Variants in WWC1 observed in about 807,000 individuals in gnomAD.
The protein encoded by WWC1 is WW and C2 domain containing 1.
WWC1 carries 55 observed loss-of-function variants against 138.4 expected under a neutral mutation model. The observed-to-expected ratio is 0.40, with a 90% CI of 0.32 to 0.50. WWC1 has a LOEUF of 0.50. WWC1 is among the 20% of genes least tolerant of loss of function. The pLI, the probability that WWC1 is intolerant of heterozygous loss-of-function variation, is 0.72. For synonymous variants in WWC1, 524 were observed against 564.9 expected (o/e 0.93, Z 1.03); for missense variants, 1,226 against 1,420.4 (o/e 0.86, Z 2.20).
At chr5:168,426,493 A>G (rs896852844) in intron 11 of WWC1, among the ~76,000 whole-genome samples, 8 of 152,190 alleles carry the variant, frequency 5.3e-5, no homozygotes, top group Admixed American at 3.9e-4. Context: ...CCTTCATGCC[A>G]TCTCCAGAAG....
At chr5:168,419,351 CTG>C (rs1259236086) in intron 9 of WWC1, among the ~76,000 whole-genome samples, 10 of 98,602 alleles carry the variant, frequency 1.0e-4, no homozygotes, top group African/African-American at 2.1e-4. Context: ...AGCTCATAAA[CTG>C]TGCCTGGCTT....
Position 168,291,933 on chromosome 5 carries a change from CGGCGGCGGGAGGAGCG to C in WWC1, c.-212_-197del, listed in dbSNP as rs763003488. On this transcript the variant is annotated 5_prime_UTR_variant, in exon 1 of 23. Coordinates refer to ENST00000265293, the MANE Select transcript of WWC1 (RefSeq NM_015238.3). ...GGACGCACATGGCAGCGTGAGAGGC[CGGCGGCGGGAGGAGCG>C]GGCGGCGCCGGGTCGGGGCTGCAGG... The C allele has an allele frequency of 1.2e-3, 333 of 283,142 alleles. 1 individual carries two copies. The highest frequency in any genetic ancestry group is 1.9e-3 in the Non-Finnish European group (297 of 159,896). 17.5% of individuals were successfully genotyped at this position (283,142 alleles called of 1,614,324 possible). A position where few individuals can be genotyped will look rare whatever the true frequency, so the allele number is the denominator to read the frequency against.
chr5:168,414,675 G>T, intron 9 of WWC1, 85 bp downstream of exon 9: 1 of 1,448,308 alleles, frequency 6.9e-7, no homozygotes, highest in Non-Finnish European at 9.1e-7. Flanking sequence ...GAATGAGGGG[G>T]CTCCGGGCCC....
At chr5:168,420,841 C>T (rs1442463216) in intron 9 of WWC1, among the ~76,000 whole-genome samples, 2 of 152,168 alleles carry the variant, frequency 1.3e-5, no homozygotes, top group African/African-American at 4.8e-5. Context: ...AGCCACCCTC[C>T]CCGCCTTCAG....
At chr5:168,441,590 T>G in intron 15 of WWC1, 92 bp from the exon 16 acceptor site, 1 of 1,425,100 alleles carries the variant, frequency 7.0e-7, no homozygotes, top group Non-Finnish European at 9.5e-7. Flanking sequence ...TGGAGTGGTG[T>G]TTTTTCCATA....
At chr5:168,444,472 C>A in intron 16 of WWC1, 22 bp from the exon 17 acceptor site, 2 of 1,553,424 alleles carry the variant, frequency 1.3e-6, no homozygotes, top group Non-Finnish European at 1.7e-6. Context: ...ACCCAATGAC[C>A]CAGCAACCTT....
rs147393968 is a variant in WWC1 at position 168,464,759 on chromosome 5, C to T, written c.2947C>T (p.Arg983Cys). Reference protein sequence around the residue: ...PSSVKSLRSERLIRTSLDLEL... With the variant: ...PSSVKSLRSECLIRTSLDLEL... ...CTCGGTCAAGTCGCTGCGCTCCGAG[C>T]GTCTGATCCGTACCTCGCTGGACCT... The change falls in exon 21 of 23, where the codon CGT becomes TGT. Residue 983 changes from arginine to cysteine, a missense_variant. This residue lies in a region of WWC1 where 206 missense variants were observed against 247.4 expected (regional missense o/e 0.83). Coordinates refer to ENST00000265293, the MANE Select transcript of WWC1 (RefSeq NM_015238.3). 2.8e-5 allele frequency: 45 copies of T among 1,614,072 alleles called. No homozygotes were observed. The highest frequency in any genetic ancestry group is 3.3e-4 in the Middle Eastern group (2 of 6,084).
At chr5:168,428,831 G>T in intron 13 of WWC1, 44 bp downstream of exon 13, 1 of 1,603,014 alleles carries the variant, frequency 6.2e-7, no homozygotes, top group South Asian at 1.1e-5. Context: ...GGTCTGTGTG[G>T]GGTCCCTTCT....
At position 168,307,683 on chromosome 5, in the gene WWC1, C is replaced by T. The variant is rs1483828508; in HGVS notation, c.119+15412C>T. Among the ~76,000 whole-genome samples the T allele has an allele frequency of 4.7e-5, 7 of 150,198 alleles. No homozygotes were observed. The East Asian group carries it at 1.4e-3, about 30-fold the overall frequency. The stretch of plus-strand genomic sequence containing the variant: ...GCAGTGGTGCGATCTTGGCTCACTG[C>T]AACCTCCGCCTCCAGGGTTCAAGCG... On this transcript the variant is annotated intron_variant, in intron 1 of 22. Coordinates refer to ENST00000265293, the MANE Select transcript of WWC1 (RefSeq NM_015238.3).
At chr5:168,328,657 C>G (rs1772770933) in intron 1 of WWC1, among the ~76,000 whole-genome samples, 1 of 152,146 alleles carries the variant, frequency 6.6e-6, no homozygotes, top group Non-Finnish European at 1.5e-5. Flanking sequence ...AGCAATTCTT[C>G]TGCCTCAGCC....
At chr5:168,450,589 C>T (rs1041048908) in intron 17 of WWC1, among the ~76,000 whole-genome samples, 2 of 152,046 alleles carry the variant, frequency 1.3e-5, no homozygotes, top group African/African-American at 2.4e-5. Context: ...TTGCTTGAAC[C>T]CGGGAGGCAG....
At chr5:168,455,103 G>A (rs1756185875) in intron 18 of WWC1, among the ~76,000 whole-genome samples, 1 of 152,150 alleles carries the variant, frequency 6.6e-6, no homozygotes, top group Non-Finnish European at 1.5e-5. Flanking sequence ...GTTTGTTTGG[G>A]GGCTGAATGT....
In WWC1 at chr5:168,372,490, G is replaced by A. The variant is rs368977780; in HGVS notation, c.229+957G>A. On this transcript the variant is annotated intron_variant, in intron 2 of 22. Transcript: ENST00000265293. ...GCAAAGTCTGAAGGCTGAGACTAGG[G>A]CATCAAATCCTAATAGCCTCTGTTT... Among the ~76,000 whole-genome samples, 127 of 152,326 alleles carry A rather than the reference G, an allele frequency of 8.3e-4. 1 individual carries two copies. In the South Asian group the frequency reaches 0.026, roughly 31 times the overall value.
At position 168,445,661 on chromosome 5, in the gene WWC1, C is replaced by T. The variant is rs974918208; in HGVS notation, c.2525+1076C>T. Among the ~76,000 whole-genome samples, 3 of 144,906 alleles carry T rather than the reference C, an allele frequency of 2.1e-5. No individual in the cohort carries two copies. The South Asian group carries it at 6.6e-4, about 32-fold the overall frequency. ...AGGTTGCAGTGAACCGAGATTGCGC[C>T]ACTGCACTCCATCCTAGGTGACAGA... is the stretch of plus-strand genomic sequence containing the variant. On this transcript the variant is annotated intron_variant, in intron 17 of 22. Transcript: ENST00000265293.
chr5:168,456,195 TG>T (rs1207995875), intron 19 of WWC1, among the ~76,000 whole-genome samples: 1 of 151,882 alleles, frequency 6.6e-6, no homozygotes, highest in Non-Finnish European at 1.5e-5. Flanking sequence ...TCCCAGCTAG[TG>T]GGGAAGCTGA....
At chr5:168,348,192 C>T (rs927291443) in intron 1 of WWC1, among the ~76,000 whole-genome samples, 1 of 152,150 alleles carries the variant, frequency 6.6e-6, no homozygotes, top group Non-Finnish European at 1.5e-5. Context: ...TGATGTGCAC[C>T]GGCCACACAG....
At chr5:168,302,421 A>T (rs1022611677) in intron 1 of WWC1, among the ~76,000 whole-genome samples, 10 of 152,218 alleles carry the variant, frequency 6.6e-5, no homozygotes, top group Non-Finnish European at 1.5e-5. Flanking sequence ...ATAGTTAAAT[A>T]GATAAATCGC....
At chr5:168,445,100 C>T (rs578157082) in intron 17 of WWC1, among the ~76,000 whole-genome samples, 15 of 149,972 alleles carry the variant, frequency 1.0e-4, no homozygotes, top group Admixed American at 1.3e-4. Context: ...TGGATCACGA[C>T]GTCAGGAGCT....
chr5:168,384,713 C>CTTTTTTTTTTTTTTTTTTTTTTTTTTTTT, intron 2 of WWC1, among the ~76,000 whole-genome samples: 1 of 99,638 alleles, frequency 1.0e-5, no homozygotes, highest in African/African-American at 3.9e-5. Context: ...CTGGTTTATT[C>CTTTTTTTTTTTTTTTTTTTTTTTTTTTTT]TTTTTTTTTT....
Sources: gnomAD v4.1 joint callset for allele counts (sites outside exome capture counted in the v4.1 genomes callset) on GRCh38, gnomAD v4.1.1 for gene constraint, gnomAD v4.1.1 regional missense constraint, MANE v1.5 for transcripts, NCBI Gene and HGNC (gene_info 2026-07-23, HGNC 2026-07-21) for gene names.